Variants in SPINK5 observed in about 807,000 individuals in gnomAD.
The protein encoded by SPINK5 is serine peptidase inhibitor Kazal type 5.
In SPINK5, 125 loss-of-function variants were observed where a neutral mutation model predicts 151.8. The observed-to-expected ratio is 0.82, with a 90% CI of 0.71 to 0.96. SPINK5 has a LOEUF of 0.96. Ranked by LOEUF, SPINK5 falls within the 40% of genes least tolerant of loss-of-function variation. The pLI is 0.00. For synonymous variants in SPINK5, 374 were observed against 395.3 expected (o/e 0.95, Z 0.64); for missense variants, 1,194 against 1,291.9 (o/e 0.92, Z 1.16).
rs373819431 is a variant in SPINK5, at chr5:148,094,463, C to T, written c.776C>T (p.Ala259Val). ...PDGRMHGNKC[A>V]LCAEIFKQRF... is the part of the protein sequence containing the mutation. ...GGCAGGATGCATGGCAACAAATGTG[C>T]CCTGTGTGCTGAAATTTTGTGAGTA... The change falls in exon 9 of 33, where the codon GCC becomes GTC. Residue 259 changes from alanine to valine, a missense_variant. Physicochemically the swap from Ala to Val is moderately conservative, Grantham distance 64. Transcript: ENST00000256084. 1.4e-5 allele frequency: 23 copies of T among 1,612,398 alleles called. No homozygotes were observed. The highest frequency in any genetic ancestry group is 1.2e-5 in the Non-Finnish European group (14 of 1,178,994).
chr5:148,131,418 T>G, intron 31 of SPINK5, 29 bp downstream of exon 31: 1 of 1,613,412 alleles, frequency 6.2e-7, no homozygotes, highest in Non-Finnish European at 8.5e-7. Flanking sequence ...CCATCATATC[T>G]TCCAGTTTAG....
At chr5:148,114,332 T>C (rs536448369) in intron 20 of SPINK5, 30 bp from the exon 21 acceptor site, 9 of 1,599,538 alleles carry the variant, frequency 5.6e-6, no homozygotes, top group African/African-American at 1.3e-5. Flanking sequence ...CAGAAGATAC[T>C]CAAGCTTTCT....
At position 148,108,765 on chromosome 5, in the gene SPINK5, A is replaced by G. The variant is rs1202380171; in HGVS notation, c.1620A>G (p.Glu540=). 1.9e-6 allele frequency: 3 copies of G among 1,611,598 alleles called. No homozygotes were observed. The highest frequency in any genetic ancestry group is 2.5e-6 in the Non-Finnish European group (3 of 1,178,382). ...TTTTCTATTACAGCAAACTTGAAGA[A>G]GAAGAGAAGAAAAATGATAAAGAAG... is the stretch of plus-strand genomic sequence containing the variant. ...AMCASVFKLE[E]EEKKNDKEEK... The change falls in exon 18 of 33, where the codon GAA becomes GAG. Residue 540 remains glutamate (E), a synonymous_variant. Transcript: ENST00000256084.
At chr5:148,079,823 C>T (rs1581058696) in intron 4 of SPINK5, among the ~76,000 whole-genome samples, 1 of 151,098 alleles carries the variant, frequency 6.6e-6, no homozygotes, top group African/African-American at 2.4e-5. Context: ...AGAATGAATG[C>T]TTTGCCCTTA....
Position 148,125,827 on chromosome 5 carries a change from G to A in SPINK5, c.2844G>A (p.Lys948=), listed in dbSNP as rs775997757. ...HGADGKFYTN[K]CYMCRAVFLT... is the part of the protein sequence containing the mutation. ...CTGATGGAAAGTTCTATACAAACAA[G>A]TGCTACATGTGCAGAGCTGTCTTGT... The change falls in exon 29 of 33, where the codon AAG becomes AAA. Residue 948 remains lysine (K), a synonymous_variant. Transcript: ENST00000256084. 1.2e-6 allele frequency: 2 copies of A among 1,614,060 alleles called. No homozygotes were observed. Among genetic ancestry groups the A allele is most frequent in the Non-Finnish European group, 1.7e-6 (2 of 1,180,034 alleles).
chr5:148,113,618 G>A (rs1212252112), intron 20 of SPINK5, among the ~76,000 whole-genome samples: 1 of 152,152 alleles, frequency 6.6e-6, no homozygotes, highest in Non-Finnish European at 1.5e-5. Context: ...ATTCCAAGTT[G>A]TGGTCATTTC....
At chr5:148,096,026 A>G (rs2113097857) in intron 10 of SPINK5, 121 bp downstream of exon 10, 1 of 796,762 alleles carries the variant, frequency 1.3e-6, no homozygotes, top group East Asian at 2.7e-5. Context: ...CCACACTACT[A>G]GTAGGTTTGC....
intron 24 of SPINK5, among the ~76,000 whole-genome samples, chr5:148,119,603 T>C (rs982560394): frequency 3.9e-5 from 6 of 152,218 alleles, no homozygotes; most frequent in Non-Finnish European, 8.8e-5. Context: ...CTGTATTCCT[T>C]GGCTTGTGGC....
At chr5:148,109,063 C>A (rs1753854422) in intron 18 of SPINK5, among the ~76,000 whole-genome samples, 1 of 146,926 alleles carries the variant, frequency 6.8e-6, no homozygotes, top group Non-Finnish European at 1.5e-5. Context: ...CATTTTCTCC[C>A]CTGATTGTGT....
chr5:148,114,613 A>C, intron 21 of SPINK5, 124 bp downstream of exon 21: 1 of 1,383,806 alleles, frequency 7.2e-7, no homozygotes, highest in Non-Finnish European at 1.0e-6. Context: ...GTTATCTGTA[A>C]AGCATTTGAA....
At chr5:148,099,137 C>A in intron 11 of SPINK5, 97 bp from the exon 12 acceptor site, 3 of 1,170,556 alleles carry the variant, frequency 2.6e-6, no homozygotes, top group East Asian at 2.6e-5. Flanking sequence ...AATTGTTCCA[C>A]TCTAAGGAGG....
At position 148,101,541 on chromosome 5, in the gene SPINK5, C is replaced by T. The variant is rs189128086; in HGVS notation, c.1302+105C>T. On this transcript the variant is annotated intron_variant, in intron 14 of 32. Coordinates refer to ENST00000256084, the MANE Select transcript of SPINK5 (RefSeq NM_006846.4). ...CTTAAAACTGTATGAAACAATTGTA[C>T]AGTTTGTGTTTTCATATGTGTTTTC... 2.3e-4 allele frequency: 254 copies of T among 1,094,436 alleles called. No individual in the cohort carries two copies. The African/African-American group carries it at 3.5e-3, about 15-fold the overall frequency. 67.8% of individuals were successfully genotyped at this position (1,094,436 alleles called of 1,614,324 possible). A position where few individuals can be genotyped will look rare whatever the true frequency, so the allele number is the denominator to read the frequency against.
chr5:148,134,851 A>G (rs972415107), intron 32 of SPINK5, among the ~76,000 whole-genome samples: 1 of 152,000 alleles, frequency 6.6e-6, no homozygotes, highest in Non-Finnish European at 1.5e-5. Flanking sequence ...CACTGCCACA[A>G]AAAGCTTTGG....
intron 4 of SPINK5, among the ~76,000 whole-genome samples, chr5:148,084,016 T>C (rs1457239164): frequency 6.6e-6 from 1 of 151,904 alleles, no homozygotes; most frequent in Non-Finnish European, 1.5e-5. Context: ...TATAACTTCT[T>C]TCTTGTTATT....
rs375370931 is a variant in SPINK5, at chr5:148,104,851, G to A, written c.1431-101G>A. The A allele has an allele frequency of 1.8e-4, 196 of 1,074,758 alleles. 1 individual carries two copies. The East Asian group carries it at 3.1e-3, about 17-fold the overall frequency. The allele number at this position is 1,074,758 out of a possible 1,614,324, so 66.6% of individuals were successfully genotyped here. A position where few individuals can be genotyped will look rare whatever the true frequency, so the allele number is the denominator to read the frequency against. ...GTGGAGGTTGCAGTGAGCCGAGATC[G>A]CGCCACTGCACTCCAGCCTGGGTGA... On this transcript the variant is annotated intron_variant, in intron 15 of 32. Transcript: ENST00000256084.
intron 6 of SPINK5, 115 bp from the exon 7 acceptor site, chr5:148,089,370 AGCTGGTACT>A (rs1753246540): frequency 8.0e-7 from 1 of 1,257,724 alleles, no homozygotes; most frequent in African/African-American, 1.5e-5. Context: ...ACATCTACAC[AGCTGGTACT>A]GCTCTAAGTG....
chr5:148,134,826 C>A (rs1561710740), intron 32 of SPINK5, among the ~76,000 whole-genome samples: 1 of 151,882 alleles, frequency 6.6e-6, no homozygotes, highest in Non-Finnish European at 1.5e-5. Context: ...TATTCACATT[C>A]TCTTTGCTCC....
At position 148,095,827 on chromosome 5, in the gene SPINK5, T is replaced by G. The variant is rs1199608733; in HGVS notation, c.804T>G (p.Arg268=). 1 of 1,611,934 alleles carries G rather than the reference T, an allele frequency of 6.2e-7. No individual in the cohort carries two copies. Among genetic ancestry groups the G allele is most frequent in the South Asian group, 1.1e-5 (1 of 91,042 alleles). ...ATTTTACTTTTTCCAGCAAGCAGCG[T>G]TTTTCAGAGGAAAACAGTAAAACAG... ...CALCAEIFKQ[R]FSEENSKTDQ... Residue 268 remains arginine, a synonymous_variant, in exon 10 of 33, where the codon CGT becomes CGG. Coordinates refer to ENST00000256084, the MANE Select transcript of SPINK5 (RefSeq NM_006846.4).
At chr5:148,087,712 C>CAGGTG (rs1422723915) in intron 5 of SPINK5, among the ~76,000 whole-genome samples, 1 of 151,664 alleles carries the variant, frequency 6.6e-6, no homozygotes, top group Non-Finnish European at 1.5e-5. Context: ...ATCTCTGGTC[C>CAGGTG]AGGTGAAAGT....
Sources: gnomAD v4.1 joint callset for allele counts (sites outside exome capture counted in the v4.1 genomes callset) on GRCh38, gnomAD v4.1.1 for gene constraint, MANE v1.5 for transcripts, NCBI Gene and HGNC (gene_info 2026-07-23, HGNC 2026-07-21) for gene names.